Variants in SMIM31 observed in about 807,000 individuals in gnomAD.
SMIM31 encodes human epithelial cell program regulator.
intron 2 of SMIM31, among the ~76,000 whole-genome samples, chr4:164,780,360 G>A (rs1267490756): frequency 2.0e-5 from 3 of 152,200 alleles, no homozygotes; most frequent in Non-Finnish European, 2.9e-5. Context: ...TCGGGAGGTG[G>A]AGGTTGCAGT....
chr4:164,758,914 C>T (rs903814208), intron 1 of SMIM31, among the ~76,000 whole-genome samples: 16 of 143,428 alleles, frequency 1.1e-4, no homozygotes, highest in Non-Finnish European at 1.9e-4. Flanking sequence ...GTGATCTGCC[C>T]GCCTCAGCCT....
intron 2 of SMIM31, among the ~76,000 whole-genome samples, chr4:164,773,029 TAAAAAAAAAAA>T (rs56863708): frequency 2.0e-4 from 15 of 76,670 alleles, no homozygotes; most frequent in African/African-American, 6.9e-4. Flanking sequence ...CACTTGGCTT[TAAAAAAAAAAA>T]AAAAAAAAAA....
intron 2 of SMIM31, among the ~76,000 whole-genome samples, chr4:164,795,664 G>A (rs976583688): frequency 2.0e-5 from 3 of 151,352 alleles, no homozygotes; most frequent in African/African-American, 7.3e-5. Flanking sequence ...ACTTCACAGA[G>A]TTGTTGGGAA....
intron 1 of SMIM31, among the ~76,000 whole-genome samples, chr4:164,764,679 GA>G (rs1313720263): frequency 6.6e-6 from 1 of 152,048 alleles, no homozygotes; most frequent in Admixed American, 6.6e-5. Flanking sequence ...CTCCACTTTA[GA>G]GGGATTTGGA....
At chr4:164,783,280 T>A (rs975721459) in intron 2 of SMIM31, among the ~76,000 whole-genome samples, 1 of 149,332 alleles carries the variant, frequency 6.7e-6, no homozygotes, top group Non-Finnish European at 1.5e-5. Context: ...TCCCAGCACT[T>A]TGGGAGGCTA....
intron 1 of SMIM31, 63 bp from the exon 2 acceptor site, chr4:164,770,356 C>A (rs1238692629): frequency 2.5e-6 from 1 of 397,664 alleles, no homozygotes; most frequent in Non-Finnish European, 4.4e-6. Context: ...TAAAATAAAT[C>A]ATTGCTGAGC....
At chr4:164,778,272 T>A (rs868594440) in intron 2 of SMIM31, among the ~76,000 whole-genome samples, 1 of 151,576 alleles carries the variant, frequency 6.6e-6, no homozygotes, top group African/African-American at 2.4e-5. Context: ...CACTCAAGAG[T>A]AGTGAGGCAA....
chr4:164,777,932 G>A (rs1338016463), intron 2 of SMIM31, among the ~76,000 whole-genome samples: 4 of 152,232 alleles, frequency 2.6e-5, no homozygotes, highest in Non-Finnish European at 1.5e-5. Flanking sequence ...CTGTGTCAAT[G>A]TGGCCAAAGG....
rs537858339 is a variant in SMIM31 at position 164,784,849 on chromosome 4, C to A, written c.112+14294C>A. Among the ~76,000 whole-genome samples the A allele has an allele frequency of 3.4e-4, 51 of 150,906 alleles. 1 individual carries two copies. Among genetic ancestry groups the A allele is most frequent in the Non-Finnish European group, 7.4e-5 (5 of 67,872 alleles). On this transcript the variant is annotated intron_variant, in intron 2 of 2. Coordinates refer to ENST00000507311, the MANE Select transcript of SMIM31 (RefSeq NM_001352885.1). ...GTAGCCATACACAAAATCAAATGAT[C>A]TTTGCTATCATCAGCCGCTCCCCAA...
In SMIM31 at chr4:164,767,194, G is replaced by A. The variant is rs74778995; in HGVS notation, c.-25-3225G>A. 9.1e-3 allele frequency among the ~76,000 whole-genome samples: 1,389 copies of A among 152,218 alleles called. 30 individuals are homozygous for A. The highest frequency in any genetic ancestry group is 0.032 in the African/African-American group (1,334 of 41,524). On this transcript the variant is annotated intron_variant, in intron 1 of 2. Coordinates refer to ENST00000507311, the MANE Select transcript of SMIM31 (RefSeq NM_001352885.1). ...TACATTTATAAAGATCATTCCCTTC[G>A]TGATGCTAAAGGATAGTAGGAATAC...
chr4:164,783,161 T>C (rs1732980107), intron 2 of SMIM31, among the ~76,000 whole-genome samples: 3 of 141,916 alleles, frequency 2.1e-5, no homozygotes, highest in Admixed American at 7.5e-5. Flanking sequence ...GAGGTTGTGG[T>C]GAGCCGAGAT....
intron 2 of SMIM31, among the ~76,000 whole-genome samples, chr4:164,780,833 A>G (rs963650728): frequency 6.6e-6 from 1 of 152,188 alleles, no homozygotes; most frequent in Non-Finnish European, 1.5e-5. Context: ...TTTCTTAAAG[A>G]CAGTGACTTG....
rs1276157292 is a variant in SMIM31, at chr4:164,782,382, T to TA, written c.112+11827_112+11828insA. Among the ~76,000 whole-genome samples the TA allele has an allele frequency of 1.5e-3, 212 of 145,778 alleles. 1 individual carries two copies. The highest frequency in any genetic ancestry group is 2.6e-3 in the Non-Finnish European group (175 of 66,342). On this transcript the variant is annotated intron_variant, in intron 2 of 2. Coordinates refer to ENST00000507311, the MANE Select transcript of SMIM31 (RefSeq NM_001352885.1). ...CTACTTTATCTCTTTCTTTTATTTT[T>TA]TTTTTTTTTTTTTTGAGACGGAGTC... is the stretch of plus-strand genomic sequence containing the variant.
At chr4:164,760,186 T>C (rs1732627137) in intron 1 of SMIM31, among the ~76,000 whole-genome samples, 1 of 152,094 alleles carries the variant, frequency 6.6e-6, no homozygotes, top group South Asian at 2.1e-4. Flanking sequence ...TTTAGGGTCT[T>C]CCAACAGGAC....
intron 2 of SMIM31, among the ~76,000 whole-genome samples, chr4:164,790,172 A>C (rs1733081518): frequency 6.6e-6 from 1 of 152,214 alleles, no homozygotes; most frequent in African/African-American, 2.4e-5. Context: ...TTTACTAAGC[A>C]AAATCCTAAC....
chr4:164,794,807 A>T (rs1733167181), intron 2 of SMIM31, among the ~76,000 whole-genome samples: 3 of 151,790 alleles, frequency 2.0e-5, no homozygotes, highest in African/African-American at 2.4e-5. Flanking sequence ...CCGTCTCAAA[A>T]AATAATAATA....
In SMIM31 at chr4:164,785,435, C is replaced by A. The variant is rs190982391; in HGVS notation, c.112+14880C>A. On this transcript the variant is annotated intron_variant, in intron 2 of 2. Coordinates refer to ENST00000507311, the MANE Select transcript of SMIM31 (RefSeq NM_001352885.1). ...TCAAACATTAGTAAGATTCAATCTC[C>A]TGCTCTATATAATGGAGATAACAAC... Among the ~76,000 whole-genome samples, 4 of 152,124 alleles carry A rather than the reference C, an allele frequency of 2.6e-5. No homozygotes were observed. In the East Asian group the frequency reaches 7.7e-4, roughly 29 times the overall value.
chr4:164,784,405 G>A lies in SMIM31; in HGVS notation c.112+13850G>A, dbSNP rs142420052. On this transcript the variant is annotated intron_variant, in intron 2 of 2. Transcript: ENST00000507311. ...GGTTCTTGATAGTATTATATGTCAC[G>A]TTTTGGATAACGTATTTTTCCTAAT... Among the ~76,000 whole-genome samples the A allele has an allele frequency of 3.7e-3, 556 of 152,098 alleles. 5 individuals are homozygous for A. The highest frequency in any genetic ancestry group is 0.027 in the Middle Eastern group (8 of 294).
At chr4:164,757,312 T>C (rs1009078814) in intron 1 of SMIM31, among the ~76,000 whole-genome samples, 1 of 152,214 alleles carries the variant, frequency 6.6e-6, no homozygotes, top group African/African-American at 2.4e-5. Context: ...GTATTGCTGA[T>C]ACAAGTTCTT....
Sources: gnomAD v4.1 joint callset for allele counts (sites outside exome capture counted in the v4.1 genomes callset) on GRCh38, gnomAD v4.1.1 for gene constraint, MANE v1.5 for transcripts, NCBI Gene and HGNC (gene_info 2026-07-23, HGNC 2026-07-21) for gene names.